NFS1: variants seen among roughly 807,000 people sequenced by gnomAD.
NFS1 encodes the protein cysteine desulfurase.
A neutral mutation model predicts 57.3 loss-of-function variants in NFS1; 26 were observed. The observed-to-expected ratio is 0.45, with a 90% CI of 0.33 to 0.63. The LOEUF (loss-of-function observed/expected upper bound fraction) is 0.63. NFS1 is among the 20% of genes least tolerant of loss of function. The pLI, the probability that NFS1 is intolerant of heterozygous loss-of-function variation, is 0.02. For missense variants in NFS1, 505 were observed against 605.8 expected, an observed-to-expected ratio of 0.83 and a Z score of 1.75; for synonymous variants, 209 against 216.3, an observed-to-expected ratio of 0.97 and a Z score of 0.30.
At chr20:35,675,284 T>C (rs2034722635) in intron 7 of NFS1, 82 bp from the exon 8 acceptor site, 1 of 1,381,148 alleles carries the variant, frequency 7.2e-7, no homozygotes, top group East Asian at 2.6e-5. Context: ...GGGATCAAAA[T>C]ATTACTTCAA....
At chr20:35,697,133 A>G (rs1481403293) in intron 3 of NFS1, among the ~76,000 whole-genome samples, 1 of 151,748 alleles carries the variant, frequency 6.6e-6, no homozygotes, top group African/African-American at 2.4e-5. Context: ...ATAAATAAAT[A>G]AAAATACAAA....
chr20:35,669,766 G>T, intron 12 of NFS1, 81 bp from the exon 13 acceptor site: 1 of 1,302,872 alleles, frequency 7.7e-7, no homozygotes, highest in Non-Finnish European at 1.1e-6. Flanking sequence ...CTGAGCAATG[G>T]CTTGCCTCCT....
At position 35,699,187 on chromosome 20, in the gene NFS1, C is replaced by A. The variant is rs1195446702; in HGVS notation, c.97+5G>T. ...CGCCTCCCGGAGAGCGGGACCCGAG[C>A]GTACCGCGCAGGCGCAGCCCCCGAG... On this transcript the variant is annotated splice_donor_5th_base_variant and intron_variant, in intron 1 of 12. Coordinates refer to ENST00000374092, the MANE Select transcript of NFS1 (RefSeq NM_021100.5). The surrounding 1 kb of genome is among the most constrained non-coding windows in gnomAD (Gnocchi z 4.4). 1 of 1,402,644 alleles carries A rather than the reference C, an allele frequency of 7.1e-7. No homozygotes were observed. Among genetic ancestry groups the A allele is most frequent in the East Asian group, 3.0e-5 (1 of 33,868 alleles). 86.9% of individuals were successfully genotyped at this position (1,402,644 alleles called of 1,614,324 possible).
chr20:35,674,074 T>C (rs1013078627), intron 10 of NFS1: 18 of 483,734 alleles, frequency 3.7e-5, no homozygotes, highest in Non-Finnish European at 4.5e-5. Flanking sequence ...TCTAGAGGCC[T>C]GTAACAGAAC....
chr20:35,694,182 T>C (rs1425346990), intron 4 of NFS1, among the ~76,000 whole-genome samples: 1 of 151,156 alleles, frequency 6.6e-6, no homozygotes, highest in Non-Finnish European at 1.5e-5. Context: ...TTCGCCCTTG[T>C]TGCTACAGTG....
intron 4 of NFS1, among the ~76,000 whole-genome samples, chr20:35,693,538 G>A (rs967965066): frequency 2.0e-5 from 3 of 152,122 alleles, no homozygotes; most frequent in Non-Finnish European, 4.4e-5. Context: ...TTTAACAGCA[G>A]AATAAAAAGC....
At chr20:35,671,291 C>T (rs1322751353) in intron 12 of NFS1, among the ~76,000 whole-genome samples, 1 of 152,120 alleles carries the variant, frequency 6.6e-6, no homozygotes, top group Non-Finnish European at 1.5e-5. Context: ...TTAGTAGAGA[C>T]GGGGTTTCAT....
At chr20:35,681,744 G>C in intron 6 of NFS1, 144 bp downstream of exon 6, 1 of 506,984 alleles carries the variant, frequency 2.0e-6, no homozygotes, top group African/African-American at 1.9e-5. Flanking sequence ...TACTGCCTAT[G>C]ACACTTCCAA....
At chr20:35,674,321 G>A (rs770297990) in intron 10 of NFS1, 29 bp downstream of exon 10, 10 of 1,589,796 alleles carry the variant, frequency 6.3e-6, no homozygotes, top group South Asian at 2.2e-5. Flanking sequence ...TGGCCCTGCC[G>A]CAGGCCCTGT....
intron 5 of NFS1, among the ~76,000 whole-genome samples, chr20:35,690,054 G>A (rs1165642620): frequency 2.0e-5 from 3 of 151,886 alleles, no homozygotes; most frequent in Non-Finnish European, 4.4e-5. Context: ...AGCCGAGATC[G>A]CGCCACTGCA....
chr20:35,668,092 A>G lies in NFS1; in HGVS notation c.*1530T>C, dbSNP rs1027897580. The G allele has an allele frequency of 6.6e-6, 1 of 152,186 alleles. No homozygotes were observed. Among genetic ancestry groups the G allele is most frequent in the Non-Finnish European group, 1.5e-5 (1 of 68,032 alleles). 9.4% of individuals were successfully genotyped at this position (152,186 alleles called of 1,614,324 possible). A position where few individuals can be genotyped will look rare whatever the true frequency, so the allele number is the denominator to read the frequency against. ...CTTTTTAATTAGAGGAAAACTGGTA[A>G]TAGATCTACAACTCTACTATCTTTG... is the stretch of plus-strand genomic sequence containing the variant. On this transcript the variant is annotated 3_prime_UTR_variant, in exon 13 of 13. Coordinates refer to ENST00000374092, the MANE Select transcript of NFS1 (RefSeq NM_021100.5).
At position 35,674,379 on chromosome 20, in the gene NFS1, T is replaced by G; in HGVS notation, c.1107A>C (p.Ala369=). ...AYVEGESLLM[A]LKDVALSSGS... ...CTGAGGATAAGGCAACGTCCTTCAG[T>G]GCCATCAGCAGACTTTCCCCTTCCA... The change falls in exon 10 of 13, where the codon GCA becomes GCC. Residue 369 remains alanine (A), a synonymous_variant. Coordinates refer to ENST00000374092, the MANE Select transcript of NFS1 (RefSeq NM_021100.5). 6.2e-7 allele frequency: 1 copy of G among 1,614,054 alleles called. No individual in the cohort carries two copies. The highest frequency in any genetic ancestry group is 1.3e-5 in the African/African-American group (1 of 75,030).
intron 7 of NFS1, among the ~76,000 whole-genome samples, chr20:35,679,958 C>T (rs969375395): frequency 2.0e-5 from 3 of 152,154 alleles, no homozygotes; most frequent in African/African-American, 7.2e-5. Flanking sequence ...AGGGAACAAA[C>T]ATGTATCCTT....
chr20:35,696,702 G>A (rs896192314), intron 3 of NFS1, among the ~76,000 whole-genome samples: 108 of 152,082 alleles, frequency 7.1e-4, no homozygotes, highest in Non-Finnish European at 1.3e-3. Context: ...GGTGTGGTGG[G>A]TCACTCCTGT....
Position 35,690,556 on chromosome 20 carries a change from G to A in NFS1, c.418C>T (p.Arg140Ter), listed in dbSNP as rs1222522432. ...TGCTTTTTCCGTGACCTGTAGAATC[G>A]GGCCACCCCCTAGAAATTGGTGGTG... Reference protein sequence around the residue: ...SNNIAIKGVARFYRSRKKHLI... With the variant: ...SNNIAIKGVA Residue 140 changes from arginine (R) to a stop codon, truncating the protein, a stop_gained, in exon 5 of 13, where the codon CGA becomes TGA. Coordinates refer to ENST00000374092, the MANE Select transcript of NFS1 (RefSeq NM_021100.5). LOFTEE classifies it high-confidence loss of function. The A allele has an allele frequency of 1.2e-6, 2 of 1,613,838 alleles. No homozygotes were observed. The highest frequency in any genetic ancestry group is 1.7e-6 in the Non-Finnish European group (2 of 1,179,902).
rs201938733 is a variant in NFS1, at chr20:35,690,480, G to A, written c.494C>T (p.Ser165Leu). The change falls in exon 5 of 13, where the codon TCA becomes TTA. Residue 165 changes from serine to leucine, a missense_variant. Coordinates refer to ENST00000374092, the MANE Select transcript of NFS1 (RefSeq NM_021100.5). The stretch of plus-strand genomic sequence containing the variant: ...GACCTGAAAGCCCTCAGCTTCCAGT[G>A]AACGGCAGGAGTCCAAGACACATTT... ...EHKCVLDSCR[S>L]LEAEGFQVTY... 7.1e-5 allele frequency: 115 copies of A among 1,613,906 alleles called. 1 individual carries two copies. Among genetic ancestry groups the A allele is most frequent in the Non-Finnish European group, 9.6e-5 (113 of 1,180,000 alleles).
At chr20:35,671,993 C>CT (rs1244132932) in intron 12 of NFS1, among the ~76,000 whole-genome samples, 1 of 152,128 alleles carries the variant, frequency 6.6e-6, no homozygotes, top group Non-Finnish European at 1.5e-5. Flanking sequence ...GAGTCTCACT[C>CT]TGTCACCCAG....
intron 12 of NFS1, among the ~76,000 whole-genome samples, chr20:35,670,844 T>C (rs2034641341): frequency 6.6e-6 from 1 of 152,102 alleles, no homozygotes. Context: ...ACTTAAGCAA[T>C]ACAGCTAGAC....
At chr20:35,695,876 C>A (rs1168718044) in intron 4 of NFS1, among the ~76,000 whole-genome samples, 6 of 151,978 alleles carry the variant, frequency 3.9e-5, no homozygotes, top group African/African-American at 1.5e-4. Context: ...CCCATCTCTA[C>A]TAAAAATATA....
Sources: allele counts gnomAD v4.1 joint callset (sites outside exome capture counted in the v4.1 genomes callset), GRCh38; gene constraint gnomAD v4.1.1; non-coding constraint Gnocchi (gnomAD v3.1); transcripts MANE v1.5; gene names NCBI Gene and HGNC (gene_info 2026-07-23, HGNC 2026-07-21).